The following NFATC1 variants were observed in gnomAD, a reference collection of about 807,000 sequenced individuals.
NFATC1 encodes the protein nuclear factor of activated T-cells, cytoplasmic 1.
Under a neutral mutation model 76.0 loss-of-function variants are expected in NFATC1, and 22 were observed. That is an observed-to-expected ratio of 0.29 (90% CI 0.21 to 0.41). The LOEUF (loss-of-function observed/expected upper bound fraction) is 0.41, where lower values mean the gene tolerates loss of function less well. NFATC1 is among the 10% of genes least tolerant of loss of function. NFATC1 has a pLI of 1.00. For missense variants in NFATC1, 1,357 were observed against 1,337.7 expected, an observed-to-expected ratio of 1.01 and a Z score of -0.23; for synonymous variants, 704 against 613.1, an observed-to-expected ratio of 1.15 and a Z score of -2.19.
rs199847126 is a variant in NFATC1, at chr18:79,514,710, C to G, written c.2783-12818C>G. ...TTCACACCTAACAAAATGGCAGATT[C>G]TCTGGTAAGAGGAAGATTTAGTTGA... On this transcript the variant is annotated intron_variant, in intron 9 of 9. Coordinates refer to ENST00000427363, the MANE Select transcript of NFATC1 (RefSeq NM_001278669.2). 1.7e-4 allele frequency among the ~76,000 whole-genome samples: 25 copies of G among 150,632 alleles called. 1 individual carries two copies. The East Asian group carries it at 4.9e-3, about 29-fold the overall frequency.
At position 79,451,829 on chromosome 18, in the gene NFATC1, C is replaced by T. The variant is rs1399182151; in HGVS notation, c.1903+13C>T. On this transcript the variant is annotated intron_variant, in intron 6 of 9. Coordinates refer to ENST00000427363, the MANE Select transcript of NFATC1 (RefSeq NM_001278669.2). ...GAGAAAGCCCCAGGTATGCTCTTCA[C>T]CAGGGGCCATCTGCGGCCTGGGCTT... The T allele has an allele frequency of 1.3e-6, 2 of 1,595,116 alleles. No individual in the cohort carries two copies. Among genetic ancestry groups the T allele is most frequent in the South Asian group, 1.1e-5 (1 of 88,082 alleles).
chr18:79,420,154 C>T (rs1420431902), intron 2 of NFATC1, among the ~76,000 whole-genome samples: 12 of 151,964 alleles, frequency 7.9e-5, no homozygotes, highest in East Asian at 3.9e-4. Context: ...TGTTTCCAGG[C>T]GAGGTTGCTG....
In NFATC1 at chr18:79,415,930, C is replaced by T. The variant is rs374567119; in HGVS notation, c.1226+4429C>T. Among the ~76,000 whole-genome samples the T allele has an allele frequency of 2.0e-4, 31 of 152,174 alleles. 1 individual carries two copies. The South Asian group carries it at 3.3e-3, about 16-fold the overall frequency. On this transcript the variant is annotated intron_variant, in intron 2 of 9. Coordinates refer to ENST00000427363, the MANE Select transcript of NFATC1 (RefSeq NM_001278669.2). ...TACACAAATTAGCTGGGCATGGTGG[C>T]GGGCGCCTGTAATCCCAGCTACTCA...
intron 1 of NFATC1, among the ~76,000 whole-genome samples, chr18:79,404,341 T>C (rs1181108074): frequency 6.6e-6 from 1 of 152,208 alleles, no homozygotes; most frequent in African/African-American, 2.4e-5. Context: ...GGCAGATTGT[T>C]GGGGGAACGG....
intron 3 of NFATC1, among the ~76,000 whole-genome samples, chr18:79,446,669 T>G (rs1600735514): frequency 6.6e-6 from 1 of 150,978 alleles, no homozygotes; most frequent in East Asian, 1.9e-4. Context: ...TCCTGACTGT[T>G]TGTGTGGAGA....
In NFATC1 at chr18:79,396,288, G is replaced by C. The variant is rs753916536; in HGVS notation, c.64G>C (p.Gly22Arg). ...FPLGPAAAVF[G>R]RGETLGPAPR... ...ACTTGGCCCTGCGGCTGCGGTCTTC[G>C]GGAGAGGAGAAACTTTGGGGCCCGC... The change falls in exon 1 of 10, where the codon GGG becomes CGG. Residue 22 changes from glycine (G) to arginine (R), a missense_variant. By Grantham distance (125) the Gly-to-Arg change is moderately radical. Coordinates refer to ENST00000427363, the MANE Select transcript of NFATC1 (RefSeq NM_001278669.2). The C allele has an allele frequency of 2.7e-6, 4 of 1,458,082 alleles. No individual in the cohort carries two copies. The highest frequency in any genetic ancestry group is 1.3e-5 in the South Asian group (1 of 76,148). 90.3% of individuals were successfully genotyped at this position (1,458,082 alleles called of 1,614,324 possible).
At chr18:79,430,638 C>T (rs1007381871) in intron 2 of NFATC1, among the ~76,000 whole-genome samples, 1 of 152,246 alleles carries the variant, frequency 6.6e-6, no homozygotes, top group Non-Finnish European at 1.5e-5. Flanking sequence ...CTGCCTCGGC[C>T]TCCCAAAGTG....
intron 9 of NFATC1, among the ~76,000 whole-genome samples, chr18:79,488,909 T>C (rs939944463): frequency 6.7e-6 from 1 of 149,066 alleles, no homozygotes; most frequent in Admixed American, 6.6e-5. Context: ...TCTGCTGCCC[T>C]GTGGCCCACG....
At chr18:79,500,402 G>C (rs2089987845) in intron 9 of NFATC1, among the ~76,000 whole-genome samples, 1 of 152,110 alleles carries the variant, frequency 6.6e-6, no homozygotes, top group African/African-American at 2.4e-5. Flanking sequence ...AGTGCTTAGA[G>C]GGAAATTTAT....
chr18:79,464,363 G>A (rs562037603), intron 7 of NFATC1, among the ~76,000 whole-genome samples: 387 of 110,690 alleles, frequency 3.5e-3, no homozygotes, highest in African/African-American at 0.013. Flanking sequence ...CCAAAGTGCT[G>A]GGATTACAGG....
intron 2 of NFATC1, among the ~76,000 whole-genome samples, chr18:79,428,978 T>C (rs1042232636): frequency 2.6e-5 from 4 of 152,166 alleles, no homozygotes; most frequent in Non-Finnish European, 2.9e-5. Flanking sequence ...CCCAGCACTT[T>C]GGGAGGCTGA....
At chr18:79,444,636 G>A (rs553544055) in intron 3 of NFATC1, among the ~76,000 whole-genome samples, 1 of 152,324 alleles carries the variant, frequency 6.6e-6, no homozygotes, top group East Asian at 1.9e-4. Flanking sequence ...CAACCTGGCA[G>A]ACCACACCAG....
chr18:79,404,840 C>T lies in NFATC1; in HGVS notation c.128-5563C>T, dbSNP rs188302925. Among the ~76,000 whole-genome samples the T allele has an allele frequency of 4.4e-3, 677 of 152,282 alleles. 3 individuals are homozygous for T. Among genetic ancestry groups the T allele is most frequent in the Non-Finnish European group, 4.9e-3 (334 of 68,030 alleles). ...GGGGCAGGTGCCCTGGGGCTCAGCA[C>T]GGCGGGGTCTGCAAGGTTAGAATGC... On this transcript the variant is annotated intron_variant, in intron 1 of 9. Coordinates refer to ENST00000427363, the MANE Select transcript of NFATC1 (RefSeq NM_001278669.2).
chr18:79,479,297 C>T (rs1273036801), intron 8 of NFATC1, among the ~76,000 whole-genome samples: 1 of 152,252 alleles, frequency 6.6e-6, no homozygotes. Context: ...GCAGGGTGAG[C>T]CCGGAACACG....
intron 1 of NFATC1, among the ~76,000 whole-genome samples, chr18:79,401,909 G>A (rs939379012): frequency 1.3e-5 from 2 of 152,240 alleles, no homozygotes; most frequent in Non-Finnish European, 2.9e-5. Flanking sequence ...GGGCCTGCAG[G>A]ACAGTGTACG....
intron 1 of NFATC1, among the ~76,000 whole-genome samples, chr18:79,399,950 C>T (rs1243671495): frequency 2.0e-5 from 3 of 151,684 alleles, no homozygotes; most frequent in African/African-American, 4.8e-5. Context: ...CCCGAGGAGG[C>T]CCGGATTGAA....
intron 3 of NFATC1, among the ~76,000 whole-genome samples, chr18:79,443,360 G>A (rs906486074): frequency 6.6e-6 from 1 of 152,164 alleles, no homozygotes; most frequent in Non-Finnish European, 1.5e-5. Context: ...AAGACGAATC[G>A]GTCAGTCACA....
chr18:79,468,970 C>A (rs117393075), intron 8 of NFATC1: 8,672 of 149,198 alleles, frequency 0.058, 316 homozygotes, highest in South Asian at 0.13. Flanking sequence ...CGCTCTGGGA[C>A]CCCCAGGATT....
chr18:79,469,645 C>G (rs1182031888), intron 8 of NFATC1: 19 of 985,792 alleles, frequency 1.9e-5, no homozygotes, highest in Non-Finnish European at 2.3e-5. Context: ...CACCCTCCAC[C>G]CCCCATCTGC....
Sources: allele counts gnomAD v4.1 joint callset (sites outside exome capture counted in the v4.1 genomes callset), GRCh38; gene constraint gnomAD v4.1.1; transcripts MANE v1.5; gene names NCBI Gene and HGNC (gene_info 2026-07-23, HGNC 2026-07-21).